The following MAP2 variants were observed in gnomAD, a reference collection of about 807,000 sequenced individuals.
The protein encoded by MAP2 is microtubule associated protein 2.
Under a neutral mutation model 137.6 loss-of-function variants are expected in MAP2, and 14 were observed. That is an observed-to-expected ratio of 0.10 (90% CI 0.07 to 0.16). The LOEUF (loss-of-function observed/expected upper bound fraction) is 0.16. MAP2 is among the 10% of genes least tolerant of loss of function. The probability of loss-of-function intolerance (pLI) is 1.00; values close to 1 mark genes in which losing one functional copy is unlikely to be tolerated. For synonymous variants in MAP2, 786 were observed against 782.3 expected (o/e 1.00, Z -0.08); for missense variants, 2,088 against 2,191.5 (o/e 0.95, Z 0.94).
intron 3 of MAP2, among the ~76,000 whole-genome samples, chr2:209,583,131 A>G (rs1235553162): frequency 3.3e-5 from 4 of 121,566 alleles, no homozygotes; most frequent in African/African-American, 1.4e-4. Context: ...CTATCTATCT[A>G]TCCATCTGTC....
At chr2:209,600,702 T>C (rs1431178872) in intron 3 of MAP2, among the ~76,000 whole-genome samples, 7 of 152,166 alleles carry the variant, frequency 4.6e-5, no homozygotes, top group African/African-American at 1.7e-4. Flanking sequence ...AGGGCAAACC[T>C]CCTTGTAGGG....
At chr2:209,704,443 T>C (rs2062754294) in intron 11 of MAP2, 1 of 1,594,276 alleles carries the variant, frequency 6.3e-7, no homozygotes, top group African/African-American at 1.4e-5. Flanking sequence ...TTTTCTTTCA[T>C]GGCTAGAATT....
At chr2:209,480,630 G>C (rs1004405701) in intron 1 of MAP2, among the ~76,000 whole-genome samples, 2 of 151,998 alleles carry the variant, frequency 1.3e-5, no homozygotes, top group Non-Finnish European at 2.9e-5. Context: ...GCTGCTTTAT[G>C]TATCAGTCAT....
chr2:209,655,270 T>G (rs2153615355), intron 5 of MAP2, among the ~76,000 whole-genome samples: 1 of 152,304 alleles, frequency 6.6e-6, no homozygotes, highest in South Asian at 2.1e-4. Flanking sequence ...TTACAAAGGT[T>G]TTGTCTGTAT....
chr2:209,732,846 G>C lies in MAP2; in HGVS notation c.*2449G>C, dbSNP rs967266932. The C allele has an allele frequency of 2.0e-5, 3 of 152,494 alleles. No individual in the cohort carries two copies. Among genetic ancestry groups the C allele is most frequent in the Admixed American group, 6.5e-5 (1 of 15,268 alleles). 9.4% of individuals were successfully genotyped at this position (152,494 alleles called of 1,614,324 possible). ...TTTCTAATCACAACAAAATTATAAT[G>C]AATAAATGTTCTTGCTTTGTATGGA... On this transcript the variant is annotated 3_prime_UTR_variant, in exon 16 of 16. Transcript: ENST00000682079.
chr2:209,625,339 A>G (rs571505077), intron 4 of MAP2, among the ~76,000 whole-genome samples: 6 of 152,168 alleles, frequency 3.9e-5, no homozygotes, highest in African/African-American at 1.4e-4. Flanking sequence ...AGTTGACTTA[A>G]TAGTAAGAAA....
intron 2 of MAP2, among the ~76,000 whole-genome samples, chr2:209,520,583 G>A (rs1246955248): frequency 1.3e-5 from 2 of 151,864 alleles, no homozygotes; most frequent in African/African-American, 4.8e-5. Flanking sequence ...ATTTTATTTT[G>A]TTTTGTTTTT....
chr2:209,692,611 C>T lies in MAP2; in HGVS notation c.455-14C>T. 3 of 1,536,452 alleles carry T rather than the reference C, an allele frequency of 2.0e-6. No individual in the cohort carries two copies. The highest frequency in any genetic ancestry group is 2.6e-6 in the Non-Finnish European group (3 of 1,146,760). On this transcript the variant is annotated splice_polypyrimidine_tract_variant and intron_variant, in intron 7 of 15. Transcript: ENST00000682079. ...TGCCTATTATTTGTTTAAAAATCAA[C>T]CCGATTACTTCAGATTTACTTACAG...
At chr2:209,546,483 G>A (rs2068097930) in intron 2 of MAP2, among the ~76,000 whole-genome samples, 1 of 152,208 alleles carries the variant, frequency 6.6e-6, no homozygotes, top group East Asian at 1.9e-4. Context: ...CAGTGTCTGT[G>A]GAGTCAGTTA....
At chr2:209,684,652 T>C (rs767120629) in intron 7 of MAP2, 1 of 152,292 alleles carries the variant, frequency 6.6e-6, no homozygotes, top group South Asian at 2.1e-4. Context: ...TATTCCTCCA[T>C]TGAAACCAGG....
rs1292820576 is a variant in MAP2, at chr2:209,732,942, G to A, written c.*2545G>A. The A allele has an allele frequency of 6.6e-6, 1 of 152,588 alleles. No homozygotes were observed. Among genetic ancestry groups the A allele is most frequent in the Non-Finnish European group, 1.5e-5 (1 of 68,018 alleles). The allele number at this position is 152,588 out of a possible 1,614,324, so 9.5% of individuals were successfully genotyped here. On this transcript the variant is annotated 3_prime_UTR_variant, in exon 16 of 16. Transcript: ENST00000682079. ...TACCAGTAAAAGAGAGAAACACACA[G>A]GTTAAATATCTTCTTGTGGGGTTAA...
chr2:209,523,485 C>A (rs142389529), intron 2 of MAP2, among the ~76,000 whole-genome samples: 253 of 152,214 alleles, frequency 1.7e-3, no homozygotes, highest in African/African-American at 5.9e-3. Context: ...TTCTAACCAC[C>A]CTGTCTGAGC....
intron 1 of MAP2, among the ~76,000 whole-genome samples, chr2:209,425,985 C>G (rs911115519): frequency 1.3e-5 from 2 of 152,078 alleles, no homozygotes; most frequent in African/African-American, 2.4e-5. Flanking sequence ...CACAAAGAAC[C>G]CTTCCTTCAA....
Position 209,654,274 on chromosome 2 carries a change from C to T in MAP2, c.262+842C>T, listed in dbSNP as rs999610892. Among the ~76,000 whole-genome samples, 4 of 152,288 alleles carry T rather than the reference C, an allele frequency of 2.6e-5. No individual in the cohort carries two copies. The East Asian group carries it at 7.7e-4, about 29-fold the overall frequency. On this transcript the variant is annotated intron_variant, in intron 5 of 15. Transcript: ENST00000682079. ...ATTACACTATATTCCTTTAATATGT[C>T]ATATCTTTGCAAAAATAGGTTTTCA...
chr2:209,567,438 A>G (rs899236847), intron 2 of MAP2, among the ~76,000 whole-genome samples: 1 of 152,128 alleles, frequency 6.6e-6, no homozygotes, highest in Non-Finnish European at 1.5e-5. Context: ...GGAAAAGTCA[A>G]AAAAAGCAAA....
At chr2:209,441,086 A>T (rs1697646275) in intron 1 of MAP2, among the ~76,000 whole-genome samples, 1 of 151,590 alleles carries the variant, frequency 6.6e-6, no homozygotes, top group Non-Finnish European at 1.5e-5. Flanking sequence ...CTAATGCATA[A>T]CCATGTAAAT....
intron 11 of MAP2, among the ~76,000 whole-genome samples, chr2:209,705,176 C>T (rs144722667): frequency 6.2e-4 from 95 of 152,096 alleles, no homozygotes; most frequent in East Asian, 6.2e-3. Flanking sequence ...GTCACATACA[C>T]GCACAAGATA....
At chr2:209,585,087 C>G (rs188461963) in intron 3 of MAP2, among the ~76,000 whole-genome samples, 1 of 151,626 alleles carries the variant, frequency 6.6e-6, no homozygotes, top group African/African-American at 2.4e-5. Context: ...GGACTGGGCT[C>G]GTAGATTGCA....
chr2:209,595,807 G>C (rs988468573), intron 3 of MAP2, among the ~76,000 whole-genome samples: 3 of 152,154 alleles, frequency 2.0e-5, no homozygotes, highest in South Asian at 4.1e-4. Context: ...CCTTTGCAGG[G>C]ACATGGATGC....
Sources: allele counts gnomAD v4.1 joint callset (sites outside exome capture counted in the v4.1 genomes callset), GRCh38; gene constraint gnomAD v4.1.1; transcripts MANE v1.5; gene names NCBI Gene and HGNC (gene_info 2026-07-23, HGNC 2026-07-21).